Variants in DAB1 observed in about 807,000 individuals in gnomAD.
DAB1 encodes the protein DAB adaptor protein 1.
A neutral mutation model predicts 64.6 loss-of-function variants in DAB1; 15 were observed. That is an observed-to-expected ratio of 0.23 (90% CI 0.16 to 0.36). The LOEUF (loss-of-function observed/expected upper bound fraction) is 0.36. Among genes scored for constraint, DAB1 ranks in the 10% least tolerant of loss-of-function variants. The pLI is 1.00. For missense variants in DAB1, 596 were observed against 706.7 expected, an observed-to-expected ratio of 0.84 and a Z score of 1.78; for synonymous variants, 235 against 251.9, an observed-to-expected ratio of 0.93 and a Z score of 0.64.
At chr1:57,978,480 C>T (rs1419328959) in intron 5 of DAB1, among the ~76,000 whole-genome samples, 1 of 152,136 alleles carries the variant, frequency 6.6e-6, no homozygotes, top group Admixed American at 6.6e-5. Context: ...AAAACCTGGG[C>T]AATACCATTG....
chr1:57,920,406 G>A (rs1369095168), intron 5 of DAB1, among the ~76,000 whole-genome samples: 1 of 152,116 alleles, frequency 6.6e-6, no homozygotes, highest in Non-Finnish European at 1.5e-5. Context: ...TGGACCTTCT[G>A]GGTCCAAACA....
At chr1:58,534,609 G>T (rs1431994879) in intron 1 of DAB1, among the ~76,000 whole-genome samples, 4 of 152,270 alleles carry the variant, frequency 2.6e-5, no homozygotes, top group Admixed American at 2.0e-4. Flanking sequence ...GAATACTTAA[G>T]TATTATTTCT....
At chr1:57,675,242 T>C (rs1014996880) in intron 6 of DAB1, among the ~76,000 whole-genome samples, 1 of 152,170 alleles carries the variant, frequency 6.6e-6, no homozygotes, top group South Asian at 2.1e-4. Flanking sequence ...CAGCAGAACA[T>C]AGTCAAGCCT....
chr1:58,233,922 G>A (rs567316258), intron 4 of DAB1, among the ~76,000 whole-genome samples: 5 of 152,262 alleles, frequency 3.3e-5, no homozygotes, highest in South Asian at 2.1e-4. Context: ...ATTCCAGAAC[G>A]GCAAGCTATT....
At chr1:58,292,552 T>C (rs1371807070) in intron 4 of DAB1, among the ~76,000 whole-genome samples, 2 of 152,008 alleles carry the variant, frequency 1.3e-5, no homozygotes, top group Non-Finnish European at 2.9e-5. Context: ...CAGGGACAAG[T>C]AAAAGACCAG....
Position 57,711,153 on chromosome 1 carries a change from A to C in DAB1, n.552-61488T>G, listed in dbSNP as rs577749096. Among the ~76,000 whole-genome samples the C allele has an allele frequency of 3.1e-3, 465 of 152,300 alleles. 1 individual carries two copies. Among genetic ancestry groups the C allele is most frequent in the African/African-American group, 9.9e-3 (412 of 41,564 alleles). ...TGGCTCCACTCATCCTCCTAACCTG[A>C]TGCCCTTTCATTAGTTTTATCAATG... On this transcript the variant is annotated intron_variant and non_coding_transcript_variant, in intron 6 of 20. Coordinates refer to the DAB1 transcript ENST00000485760.
At chr1:57,087,137 C>T (rs1653166585) in intron 4 of DAB1, among the ~76,000 whole-genome samples, 1 of 152,162 alleles carries the variant, frequency 6.6e-6, no homozygotes, top group South Asian at 2.1e-4. Context: ...CAGTAAACAA[C>T]CCATGAAAGC....
intron 7 of DAB1, 188 bp downstream of exon 7, chr1:57,070,835 C>T (rs1353600224): frequency 7.9e-6 from 5 of 631,978 alleles, no homozygotes; most frequent in African/African-American, 1.8e-5. Context: ...ATACCGATGC[C>T]GGCCAAACTT....
At chr1:58,509,680 G>A (rs1023008889) in intron 2 of DAB1, among the ~76,000 whole-genome samples, 6 of 147,824 alleles carry the variant, frequency 4.1e-5, no homozygotes, top group African/African-American at 1.5e-4. Flanking sequence ...AGAAAACAGA[G>A]AATAAAAAAA....
intron 5 of DAB1, among the ~76,000 whole-genome samples, chr1:58,024,270 C>T (rs1170104234): frequency 6.6e-6 from 1 of 152,094 alleles, no homozygotes; most frequent in Non-Finnish European, 1.5e-5. Flanking sequence ...TGAACTAATG[C>T]CATACAGTGG....
At chr1:57,385,640 G>A (rs1245707786) in intron 1 of DAB1, among the ~76,000 whole-genome samples, 2 of 152,148 alleles carry the variant, frequency 1.3e-5, no homozygotes, top group Non-Finnish European at 2.9e-5. Flanking sequence ...GAGACAGCAT[G>A]ACATACTCAG....
intron 2 of DAB1, among the ~76,000 whole-genome samples, chr1:57,155,288 T>G (rs750192602): frequency 6.6e-6 from 1 of 152,240 alleles, no homozygotes; most frequent in Non-Finnish European, 1.5e-5. Flanking sequence ...AGACTTTTTT[T>G]TCCCAAGTGT....
chr1:57,723,003 G>T (rs1229733934), intron 6 of DAB1, among the ~76,000 whole-genome samples: 1 of 152,142 alleles, frequency 6.6e-6, no homozygotes, highest in Non-Finnish European at 1.5e-5. Context: ...ATCTCCAAAA[G>T]CTTTCAATGG....
chr1:57,077,778 TTA>T (rs1652123555), intron 4 of DAB1, among the ~76,000 whole-genome samples: 1 of 117,892 alleles, frequency 8.5e-6, no homozygotes, highest in African/African-American at 3.1e-5. Context: ...GATTTTACCA[TTA>T]GTTTTTTTTA....
At chr1:58,164,398 C>G (rs915832460) in intron 4 of DAB1, among the ~76,000 whole-genome samples, 2 of 152,102 alleles carry the variant, frequency 1.3e-5, no homozygotes, top group African/African-American at 4.8e-5. Context: ...CAGCAAAGAA[C>G]ATATCAAAAT....
At chr1:58,136,645 A>G (rs530496493) in intron 5 of DAB1, among the ~76,000 whole-genome samples, 1 of 152,328 alleles carries the variant, frequency 6.6e-6, no homozygotes, top group Non-Finnish European at 1.5e-5. Context: ...GATGGCATTC[A>G]AACCTAATTG....
At chr1:57,997,355 C>T (rs1255886432) in intron 5 of DAB1, among the ~76,000 whole-genome samples, 1 of 152,198 alleles carries the variant, frequency 6.6e-6, no homozygotes, top group Non-Finnish European at 1.5e-5. Context: ...TATAAAACCC[C>T]AAGTCAAAGA....
intron 4 of DAB1, among the ~76,000 whole-genome samples, chr1:57,074,786 G>A (rs538451584): frequency 1.3e-5 from 2 of 152,072 alleles, no homozygotes; most frequent in African/African-American, 4.8e-5. Context: ...TAAGTCTAAT[G>A]GTTTTTGACA....
At chr1:58,508,514 G>A (rs1569915224) in intron 2 of DAB1, among the ~76,000 whole-genome samples, 1 of 152,122 alleles carries the variant, frequency 6.6e-6, no homozygotes, top group East Asian at 1.9e-4. Flanking sequence ...ACACCCTCTT[G>A]CCATAATCTG....
Sources: gnomAD v4.1 joint callset for allele counts (sites outside exome capture counted in the v4.1 genomes callset) on GRCh38, gnomAD v4.1.1 for gene constraint, MANE v1.5 for transcripts, NCBI Gene and HGNC (gene_info 2026-07-23, HGNC 2026-07-21) for gene names.